Variants in SEL1L3 observed in about 807,000 individuals in gnomAD.
SEL1L3 encodes SEL1L family member 3, also known as protein sel-1 homolog 3.
A neutral mutation model predicts 142.8 loss-of-function variants in SEL1L3; 76 were observed. The ratio of observed to expected loss-of-function variants is 0.53; its 90% CI spans 0.44 to 0.64. The LOEUF (loss-of-function observed/expected upper bound fraction) is 0.64. Among genes scored for constraint, SEL1L3 ranks in the 30% least tolerant of loss-of-function variants. The pLI, the probability that SEL1L3 is intolerant of heterozygous loss-of-function variation, is 0.00. For missense variants in SEL1L3, 1,262 were observed against 1,381.7 expected (o/e 0.91, Z 1.37); for synonymous variants, 504 against 519.6 (o/e 0.97, Z 0.41).
intron 15 of SEL1L3, among the ~76,000 whole-genome samples, chr4:25,779,496 T>C (rs1371908075): frequency 6.6e-6 from 1 of 152,218 alleles, no homozygotes. Flanking sequence ...CCCTGAAGGC[T>C]AGATAGAAGA....
chr4:25,808,624 A>G (rs2109233543), intron 9 of SEL1L3, among the ~76,000 whole-genome samples: 1 of 152,300 alleles, frequency 6.6e-6, no homozygotes, highest in South Asian at 2.1e-4. Flanking sequence ...GAAAGGGGAA[A>G]AAAAGGAAAG....
the SEL1L3 span, among the ~76,000 whole-genome samples, chr4:25,732,683 T>C: frequency 6.6e-6 from 1 of 152,070 alleles, no homozygotes; most frequent in East Asian, 1.9e-4. Flanking sequence ...CATTTTTTTT[T>C]GTACTGGATT....
At chr4:25,739,338 A>G in the SEL1L3 span, among the ~76,000 whole-genome samples, 2 of 152,200 alleles carry the variant, frequency 1.3e-5, no homozygotes, top group East Asian at 1.9e-4. Context: ...ACATCCTACA[A>G]TGTACACACA....
the SEL1L3 span, among the ~76,000 whole-genome samples, chr4:25,714,108 CA>C: frequency 3.3e-5 from 5 of 152,000 alleles, no homozygotes; most frequent in Admixed American, 3.3e-4. Flanking sequence ...TTTGCTCTTC[CA>C]AAAAAATTTT....
At chr4:25,818,073 T>C (rs1714507105) in intron 9 of SEL1L3, 65 bp downstream of exon 9, 4 of 1,533,726 alleles carry the variant, frequency 2.6e-6, no homozygotes, top group Admixed American at 2.0e-5. Context: ...AGAGGGTGAG[T>C]GAAACAGAGA....
At chr4:25,741,476 T>A in the SEL1L3 span, among the ~76,000 whole-genome samples, 7 of 152,218 alleles carry the variant, frequency 4.6e-5, no homozygotes, top group Admixed American at 2.0e-4. Context: ...TTCTTTGACT[T>A]CAAGTTAGGT....
At chr4:25,859,089 T>C (rs1417306968) in intron 1 of SEL1L3, among the ~76,000 whole-genome samples, 1 of 152,234 alleles carries the variant, frequency 6.6e-6, no homozygotes, top group Non-Finnish European at 1.5e-5. Flanking sequence ...TTATCACAGA[T>C]AGAGAGCTGG....
At chr4:25,848,988 A>T (rs1432760158) in intron 1 of SEL1L3, among the ~76,000 whole-genome samples, 2 of 152,142 alleles carry the variant, frequency 1.3e-5, no homozygotes, top group African/African-American at 2.4e-5. Context: ...ATAATACAAA[A>T]ATCAGTTGGG....
chr4:25,809,573 C>T (rs977450515), intron 9 of SEL1L3, among the ~76,000 whole-genome samples: 3 of 152,138 alleles, frequency 2.0e-5, no homozygotes, highest in South Asian at 2.1e-4. Context: ...TATGAGCCTC[C>T]GCTCCTGACC....
chr4:25,780,969 G>C (rs6842854), intron 15 of SEL1L3, among the ~76,000 whole-genome samples: 61,078 of 151,044 alleles, frequency 0.4, 13,122 homozygotes, highest in African/African-American at 0.55. Flanking sequence ...GAGATTACAA[G>C]CATGCACCAC....
intron 23 of SEL1L3, among the ~76,000 whole-genome samples, chr4:25,751,893 G>A (rs377314971): frequency 1.3e-5 from 2 of 151,308 alleles, no homozygotes; most frequent in Non-Finnish European, 2.9e-5. Flanking sequence ...GGCAGATCAC[G>A]AGGACATGAA....
chr4:25,777,873 A>C (rs1489030571), intron 16 of SEL1L3: 1 of 456,162 alleles, frequency 2.2e-6, no homozygotes, highest in Admixed American at 2.3e-5. Context: ...GGCCTAAAAC[A>C]GAGGTCGACA....
chr4:25,729,926 T>C, the SEL1L3 span, among the ~76,000 whole-genome samples: 2 of 148,262 alleles, frequency 1.3e-5, no homozygotes, highest in South Asian at 2.1e-4. Flanking sequence ...CTTCTTCTTC[T>C]CCTTCTTCTT....
At chr4:25,750,126 C>T (rs1717491264) in intron 23 of SEL1L3, among the ~76,000 whole-genome samples, 2 of 150,410 alleles carry the variant, frequency 1.3e-5, no homozygotes, top group Admixed American at 6.7e-5. Flanking sequence ...CCCAGCTACT[C>T]GGAAGGCTAA....
chr4:25,761,065 T>A (rs1718341476), intron 20 of SEL1L3, among the ~76,000 whole-genome samples: 1 of 152,082 alleles, frequency 6.6e-6, no homozygotes. Context: ...GCGTTAAGTA[T>A]CTTTAAGATG....
At chr4:25,803,911 TGCAGACG>T (rs1713368767) in intron 10 of SEL1L3, among the ~76,000 whole-genome samples, 1 of 152,130 alleles carries the variant, frequency 6.6e-6, no homozygotes, top group Non-Finnish European at 1.5e-5. Context: ...GCCCTCAGCT[TGCAGACG>T]GCAGACTGTG....
At chr4:25,833,893 A>G (rs1042824606) in intron 3 of SEL1L3, among the ~76,000 whole-genome samples, 4 of 152,254 alleles carry the variant, frequency 2.6e-5, no homozygotes, top group African/African-American at 9.6e-5. Context: ...AAAGTCAGAC[A>G]TAGATTAAAA....
Position 25,851,430 on chromosome 4 carries a change from G to T in SEL1L3, c.163-3566C>A, listed in dbSNP as rs75941923. 5.6e-4 allele frequency among the ~76,000 whole-genome samples: 85 copies of T among 152,110 alleles called. 1 individual carries two copies. The East Asian group carries it at 9.6e-3, about 17-fold the overall frequency. ...CACACACACATATATATGTACATGT[G>T]TATAGTCACTTGAATACACATATCA... On this transcript the variant is annotated intron_variant, in intron 1 of 23. Coordinates refer to ENST00000399878, the MANE Select transcript of SEL1L3 (RefSeq NM_015187.5).
intron 11 of SEL1L3, among the ~76,000 whole-genome samples, chr4:25,795,510 G>A (rs1246892739): frequency 6.6e-6 from 1 of 152,216 alleles, no homozygotes; most frequent in Non-Finnish European, 1.5e-5. Context: ...CATCCTGTGT[G>A]CTTGGCTGTA....
Sources: gnomAD v4.1 joint callset for allele counts (sites outside exome capture counted in the v4.1 genomes callset) on GRCh38, gnomAD v4.1.1 for gene constraint, MANE v1.5 for transcripts, NCBI Gene and HGNC (gene_info 2026-07-23, HGNC 2026-07-21) for gene names.